Variants in PRORP observed in about 807,000 individuals in gnomAD.
PRORP encodes the protein protein only RNase P catalytic subunit, also known as mitochondrial ribonuclease P catalytic subunit.
In PRORP, 51 loss-of-function variants were observed where a neutral mutation model predicts 59.4. That is an observed-to-expected ratio of 0.86 (90% CI 0.69 to 1.08). The LOEUF (loss-of-function observed/expected upper bound fraction) is 1.08, where lower values mean the gene tolerates loss of function less well. Ranked by LOEUF, PRORP falls within the 50% of genes least tolerant of loss-of-function variation. The pLI is 0.00. For synonymous variants in PRORP, 231 were observed against 245.6 expected, an observed-to-expected ratio of 0.94 and a Z score of 0.55; for missense variants, 646 against 690.3, an observed-to-expected ratio of 0.94 and a Z score of 0.72.
At chr14:35,137,896 C>T (rs1461589888) in intron 4 of PRORP, among the ~76,000 whole-genome samples, 1 of 145,506 alleles carries the variant, frequency 6.9e-6, no homozygotes, top group Non-Finnish European at 1.5e-5. Context: ...GTTGTCTCTT[C>T]GTGCATGTAC....
chr14:35,256,961 C>A (rs540492868), intron 5 of PRORP, among the ~76,000 whole-genome samples: 3 of 151,326 alleles, frequency 2.0e-5, no homozygotes, highest in Non-Finnish European at 4.4e-5. Flanking sequence ...CAACCTCCTC[C>A]TCCTAGGTTC....
At chr14:35,125,902 C>G (rs1336281717) in intron 2 of PRORP, among the ~76,000 whole-genome samples, 1 of 152,080 alleles carries the variant, frequency 6.6e-6, no homozygotes, top group African/African-American at 2.4e-5. Context: ...GCCGGTAGTC[C>G]TAGCTACTTG....
intron 6 of PRORP, 101 bp downstream of exon 6, chr14:35,266,976 G>A (rs1231287935): frequency 1.9e-6 from 2 of 1,041,020 alleles, no homozygotes; most frequent in South Asian, 1.9e-5. Flanking sequence ...ATGTGTATGT[G>A]TATACTCACC....
intron 5 of PRORP, among the ~76,000 whole-genome samples, chr14:35,224,911 C>G (rs1166007761): frequency 1.3e-5 from 2 of 151,430 alleles, no homozygotes; most frequent in Non-Finnish European, 2.9e-5. Flanking sequence ...CACATGTGTT[C>G]TGGGATTGTG....
At chr14:35,157,665 C>T (rs1204206141) in intron 4 of PRORP, among the ~76,000 whole-genome samples, 1 of 152,200 alleles carries the variant, frequency 6.6e-6, no homozygotes, top group Non-Finnish European at 1.5e-5. Flanking sequence ...GCTGGGATTA[C>T]AGTGTGAGCC....
intron 5 of PRORP, among the ~76,000 whole-genome samples, chr14:35,211,047 A>G (rs1433354734): frequency 6.6e-6 from 1 of 152,124 alleles, no homozygotes; most frequent in Non-Finnish European, 1.5e-5. Context: ...TGTTAAGATT[A>G]TAGATGCGAG....
chr14:35,232,232 G>T (rs1196560634), intron 5 of PRORP, among the ~76,000 whole-genome samples: 1 of 150,640 alleles, frequency 6.6e-6, no homozygotes, highest in Non-Finnish European at 1.5e-5. Context: ...TTGAGACAGG[G>T]TCTCACTTTG....
chr14:35,202,357 G>C (rs2049178051), intron 5 of PRORP, among the ~76,000 whole-genome samples: 1 of 152,052 alleles, frequency 6.6e-6, no homozygotes, highest in South Asian at 2.1e-4. Context: ...ATTATTGAGG[G>C]CAACTAAAGG....
upstream of PRORP, chr14:35,122,473 G>T (rs1049136709): frequency 6.4e-6 from 1 of 155,398 alleles, no homozygotes; most frequent in African/African-American, 2.4e-5. Context: ...TTTCCTCGCC[G>T]CCGGGCCAGG....
At chr14:35,230,801 A>C (rs2050058134) in intron 5 of PRORP, among the ~76,000 whole-genome samples, 1 of 152,210 alleles carries the variant, frequency 6.6e-6, no homozygotes, top group Admixed American at 6.5e-5. Flanking sequence ...ACAACACTTG[A>C]GAAGCTGGTA....
intron 5 of PRORP, among the ~76,000 whole-genome samples, chr14:35,236,886 C>T (rs2050228142): frequency 6.6e-6 from 1 of 151,964 alleles, no homozygotes; most frequent in Admixed American, 6.6e-5. Flanking sequence ...CCAATTTTAC[C>T]TCCTAATTAT....
At chr14:35,155,017 C>T (rs1365164107) in intron 4 of PRORP, among the ~76,000 whole-genome samples, 1 of 152,122 alleles carries the variant, frequency 6.6e-6, no homozygotes, top group African/African-American at 2.4e-5. Flanking sequence ...ACCTCAGCCT[C>T]CTGAGTAGCT....
chr14:35,127,748 T>C lies in PRORP; in HGVS notation c.1167+137T>C, dbSNP rs1291554789. 4 of 791,118 alleles carry C rather than the reference T, an allele frequency of 5.1e-6. No individual in the cohort carries two copies. In the African/African-American group the frequency reaches 7.1e-5, roughly 14 times the overall value. The allele number at this position is 791,118 out of a possible 1,614,324, so 49.0% of individuals were successfully genotyped here. A position where few individuals can be genotyped will look rare whatever the true frequency, so the allele number is the denominator to read the frequency against. On this transcript the variant is annotated intron_variant, in intron 4 of 7. Transcript: ENST00000534898. ...CTGTTGCAACTTTTCAACTCTGCTGTTGTAGTTAAGACATCCATAGATAAT... is the reference window on the plus strand; with the variant it reads ...CTGTTGCAACTTTTCAACTCTGCTGCTGTAGTTAAGACATCCATAGATAAT...
At chr14:35,159,510 T>C (rs980490329) in intron 4 of PRORP, among the ~76,000 whole-genome samples, 3 of 152,220 alleles carry the variant, frequency 2.0e-5, no homozygotes, top group Non-Finnish European at 2.9e-5. Context: ...GTTCTTTTTT[T>C]AGTGTTGTTT....
chr14:35,237,409 T>C (rs1301112034), intron 5 of PRORP, among the ~76,000 whole-genome samples: 1 of 151,394 alleles, frequency 6.6e-6, no homozygotes, highest in African/African-American at 2.4e-5. Context: ...CTCAAATCCA[T>C]TCTTTTCTCT....
intron 5 of PRORP, among the ~76,000 whole-genome samples, chr14:35,198,287 C>A (rs1015553440): frequency 6.6e-6 from 1 of 152,120 alleles, no homozygotes; most frequent in Non-Finnish European, 1.5e-5. Flanking sequence ...TCCTGTGAAC[C>A]CTCAGAGGGC....
chr14:35,258,528 A>G (rs1042524579), intron 5 of PRORP, among the ~76,000 whole-genome samples: 5 of 152,160 alleles, frequency 3.3e-5, no homozygotes, highest in Admixed American at 1.3e-4. Flanking sequence ...TTCTAAGATG[A>G]TAAGTCTGAC....
Position 35,270,492 on chromosome 14 carries a change from G to C in PRORP, c.1516G>C (p.Ala506Pro). 8.1e-6 allele frequency: 13 copies of C among 1,614,170 alleles called. No individual in the cohort carries two copies. The highest frequency in any genetic ancestry group is 2.2e-5 in the East Asian group (1 of 44,882). Residue 506 changes from alanine (A) to proline (P), a missense_variant, in exon 7 of 8, where the codon GCC becomes CCC. By Grantham distance (27) the Ala-to-Pro change is conservative. Coordinates refer to ENST00000534898, the MANE Select transcript of PRORP (RefSeq NM_014672.4). Reference protein sequence around the residue: ...ITRDLMRDHKACLPDAKTQRL... With the variant: ...ITRDLMRDHKPCLPDAKTQRL... ...AAGAGACCTGATGCGGGACCACAAG[G>C]CCTGTCTGCCTGATGCCAAGACCCA...
In PRORP at chr14:35,237,242, G is replaced by A. The variant is rs957576951; in HGVS notation, c.1276-29485G>A. Among the ~76,000 whole-genome samples, 6 of 151,778 alleles carry A rather than the reference G, an allele frequency of 4.0e-5. No homozygotes were observed. In the South Asian group the frequency reaches 8.3e-4, roughly 21 times the overall value. Reference sequence around the variant, plus strand: ...TGAGTAGCTGGGACCACAGACGTGCGCCACCACATCCAACTAATTTTTAAA... The same window carrying A: ...TGAGTAGCTGGGACCACAGACGTGCACCACCACATCCAACTAATTTTTAAA... On this transcript the variant is annotated intron_variant, in intron 5 of 7. Coordinates refer to ENST00000534898, the MANE Select transcript of PRORP (RefSeq NM_014672.4).
Sources: allele counts gnomAD v4.1 joint callset (sites outside exome capture counted in the v4.1 genomes callset), GRCh38; gene constraint gnomAD v4.1.1; transcripts MANE v1.5; gene names NCBI Gene and HGNC (gene_info 2026-07-23, HGNC 2026-07-21).